KIF26B: variants seen among roughly 807,000 people sequenced by gnomAD.
The protein encoded by KIF26B is kinesin family member 26B, also known as kinesin-like protein KIF26B.
A neutral mutation model predicts 151.2 loss-of-function variants in KIF26B; 63 were observed. The observed-to-expected ratio is 0.42, with a 90% confidence interval of 0.34 to 0.51. KIF26B has a LOEUF of 0.51. Among genes scored for constraint, KIF26B ranks in the 20% least tolerant of loss-of-function variants. The pLI, the probability that KIF26B is intolerant of heterozygous loss-of-function variation, is 0.07. For missense variants in KIF26B, 2,813 were observed against 2,913.6 expected (o/e 0.97, Z 0.79); for synonymous variants, 1,357 against 1,262.1 (o/e 1.08, Z -1.59).
chr1:245,282,262 A>G (rs1448045965), intron 2 of KIF26B, among the ~76,000 whole-genome samples: 1 of 152,152 alleles, frequency 6.6e-6, no homozygotes, highest in Admixed American at 6.5e-5. Flanking sequence ...TTCATATGGA[A>G]CCAAAAAAGA....
intron 9 of KIF26B, among the ~76,000 whole-genome samples, chr1:245,625,253 CATT>C (rs1321295936): frequency 1.3e-5 from 2 of 152,128 alleles, no homozygotes; most frequent in African/African-American, 4.8e-5. Context: ...GTGTATTTGG[CATT>C]TCCATACAAA....
intron 5 of KIF26B, among the ~76,000 whole-genome samples, chr1:245,548,178 G>A (rs1281270257): frequency 2.0e-5 from 3 of 152,128 alleles, no homozygotes; most frequent in Admixed American, 6.5e-5. Context: ...TTCAGTTTCC[G>A]TCACTAGGTT....
intron 2 of KIF26B, among the ~76,000 whole-genome samples, chr1:245,272,935 A>G (rs1186780090): frequency 1.3e-5 from 2 of 152,206 alleles, no homozygotes; most frequent in Non-Finnish European, 2.9e-5. Flanking sequence ...TTGTGCCTTA[A>G]CATGTGACGT....
Position 245,539,875 on chromosome 1 carries a change from A to T in KIF26B, c.1167-892A>T, listed in dbSNP as rs191866475. Among the ~76,000 whole-genome samples, 1,396 of 152,026 alleles carry T rather than the reference A, an allele frequency of 9.2e-3. 10 individuals carry two copies. Among genetic ancestry groups the T allele is most frequent in the Non-Finnish European group, 0.014 (942 of 67,966 alleles). ...TCCATGTTGGCCAGGCTGGTCTCGA[A>T]CTCCTGACCTCAGGTGAGCTGCCTG... On this transcript the variant is annotated intron_variant, in intron 4 of 14. Coordinates refer to ENST00000407071, the MANE Select transcript of KIF26B (RefSeq NM_018012.4).
chr1:245,354,808 G>A (rs1199128242), intron 2 of KIF26B, among the ~76,000 whole-genome samples: 4 of 152,322 alleles, frequency 2.6e-5, no homozygotes, highest in East Asian at 3.9e-4. Flanking sequence ...CTCCTGCATC[G>A]AGATTCATCT....
chr1:245,201,103 A>G (rs576632714), intron 2 of KIF26B, among the ~76,000 whole-genome samples: 2 of 152,330 alleles, frequency 1.3e-5, no homozygotes, highest in East Asian at 3.9e-4. Context: ...GCTCAAGGCC[A>G]CACAGTTAAG....
At chr1:245,543,416 T>A (rs1661667588) in intron 5 of KIF26B, among the ~76,000 whole-genome samples, 1 of 152,132 alleles carries the variant, frequency 6.6e-6, no homozygotes, top group South Asian at 2.1e-4. Flanking sequence ...ATTAAAGATA[T>A]CTCTCTCACT....
At chr1:245,546,969 T>G (rs1049769045) in intron 5 of KIF26B, among the ~76,000 whole-genome samples, 1 of 152,264 alleles carries the variant, frequency 6.6e-6, no homozygotes, top group Non-Finnish European at 1.5e-5. Context: ...GAAAGGCGAC[T>G]TGGGGAAAAT....
At chr1:245,682,938 T>C (rs1405316313) in intron 10 of KIF26B, among the ~76,000 whole-genome samples, 2 of 152,118 alleles carry the variant, frequency 1.3e-5, no homozygotes, top group Non-Finnish European at 2.9e-5. Flanking sequence ...TCTATATCCC[T>C]TACCTCGCCA....
chr1:245,523,720 C>A (rs1344340027), intron 4 of KIF26B, among the ~76,000 whole-genome samples: 1 of 152,160 alleles, frequency 6.6e-6, no homozygotes, highest in Non-Finnish European at 1.5e-5. Context: ...CTTCTAAATG[C>A]CCCATCTCCA....
At chr1:245,446,320 CGTT>C (rs1659249939) in intron 4 of KIF26B, among the ~76,000 whole-genome samples, 1 of 152,192 alleles carries the variant, frequency 6.6e-6, no homozygotes, top group South Asian at 2.1e-4. Flanking sequence ...TTGACCAAAA[CGTT>C]GTTCTGTGAC....
chr1:245,423,120 A>G (rs35821602), intron 4 of KIF26B, among the ~76,000 whole-genome samples: 3,554 of 145,838 alleles, frequency 0.024, 192 homozygotes, highest in African/African-American at 0.087. Flanking sequence ...AAAAAAGGAA[A>G]GAAAGAAAGA....
intron 4 of KIF26B, among the ~76,000 whole-genome samples, chr1:245,496,266 G>T (rs1660512465): frequency 6.6e-6 from 1 of 152,108 alleles, no homozygotes; most frequent in Non-Finnish European, 1.5e-5. Context: ...AAAAATTAAA[G>T]AATCTGGATG....
intron 4 of KIF26B, among the ~76,000 whole-genome samples, chr1:245,466,323 C>T (rs72762823): frequency 0.023 from 3,526 of 152,266 alleles, 88 homozygotes; most frequent in Middle Eastern, 0.061. Context: ...AGCAAGCAGA[C>T]GCTTCTTTTC....
chr1:245,219,693 C>T (rs947304989), intron 2 of KIF26B, among the ~76,000 whole-genome samples: 3 of 152,208 alleles, frequency 2.0e-5, no homozygotes, highest in East Asian at 1.9e-4. Flanking sequence ...GTGATTGCAC[C>T]GCTGCACTCT....
chr1:245,270,485 A>C (rs1670839789), intron 2 of KIF26B, among the ~76,000 whole-genome samples: 1 of 146,806 alleles, frequency 6.8e-6, no homozygotes, highest in Admixed American at 6.9e-5. Context: ...GTGATACTTC[A>C]TTGTGGTTTT....
At chr1:245,642,858 T>G (rs889238393) in intron 9 of KIF26B, among the ~76,000 whole-genome samples, 1 of 152,162 alleles carries the variant, frequency 6.6e-6, no homozygotes, top group Non-Finnish European at 1.5e-5. Context: ...TGGGATCTGC[T>G]GTGGAATAGA....
chr1:245,322,211 G>T (rs188068364), intron 2 of KIF26B, among the ~76,000 whole-genome samples: 22 of 152,004 alleles, frequency 1.4e-4, no homozygotes, highest in African/African-American at 5.3e-4. Flanking sequence ...ATCACACACC[G>T]GGGCCTGTGG....
chr1:245,185,320 G>A (rs1435040571), intron 2 of KIF26B, among the ~76,000 whole-genome samples: 1 of 152,036 alleles, frequency 6.6e-6, no homozygotes, highest in East Asian at 1.9e-4. Context: ...TGTATTTTTA[G>A]TAGAGATGGG....
Sources: gnomAD v4.1 joint callset for allele counts (sites outside exome capture counted in the v4.1 genomes callset) on GRCh38, gnomAD v4.1.1 for gene constraint, MANE v1.5 for transcripts, NCBI Gene and HGNC (gene_info 2026-07-23, HGNC 2026-07-21) for gene names.